DNAH11: variants seen among roughly 807,000 people sequenced by gnomAD.
The protein encoded by DNAH11 is axonemal beta dynein heavy chain 11.
Under a neutral mutation model 526.0 loss-of-function variants are expected in DNAH11, and 442 were observed. That is an observed-to-expected ratio of 0.84 (90% CI 0.78 to 0.91). The LOEUF (loss-of-function observed/expected upper bound fraction) is 0.91, where lower values mean the gene tolerates loss of function less well. DNAH11 is among the 40% of genes least tolerant of loss of function. The probability of loss-of-function intolerance (pLI) is 0.00; values close to 1 mark genes in which losing one functional copy is unlikely to be tolerated. For synonymous variants in DNAH11, 2,461 were observed against 1,935.9 expected, an observed-to-expected ratio of 1.27 and a Z score of -7.12; for missense variants, 6,989 against 5,448.7, an observed-to-expected ratio of 1.28 and a Z score of -8.90.
In DNAH11 at chr7:21,744,866, G is replaced by T; in HGVS notation, c.8317-4G>T. Reference sequence around the variant, plus strand: ...GCCATATTTTTCTCTTTCTCATCCTGCAGGGTATAGATAGTCACATGCTGC... The same window carrying T: ...GCCATATTTTTCTCTTTCTCATCCTTCAGGGTATAGATAGTCACATGCTGC... On this transcript the variant is annotated splice_polypyrimidine_tract_variant and splice_region_variant and intron_variant, in intron 50 of 81. Transcript: ENST00000409508. 6.2e-7 allele frequency: 1 copy of T among 1,604,034 alleles called. No individual in the cohort carries two copies. Among genetic ancestry groups the T allele is most frequent in the East Asian group, 2.2e-5 (1 of 44,640 alleles).
At chr7:21,649,309 C>T (rs908933878) in intron 28 of DNAH11, among the ~76,000 whole-genome samples, 1 of 152,160 alleles carries the variant, frequency 6.6e-6, no homozygotes, top group African/African-American at 2.4e-5. Context: ...AGCAGAAATA[C>T]ATAGATGGAC....
intron 14 of DNAH11, among the ~76,000 whole-genome samples, chr7:21,598,310 C>A (rs879830260): frequency 2.6e-5 from 4 of 152,160 alleles, no homozygotes; most frequent in Non-Finnish European, 5.9e-5. Flanking sequence ...CTCAGCCTCT[C>A]TAGAATCAAC....
At chr7:21,680,322 T>G (rs1783087632) in intron 30 of DNAH11, among the ~76,000 whole-genome samples, 1 of 152,232 alleles carries the variant, frequency 6.6e-6, no homozygotes, top group African/African-American at 2.4e-5. Context: ...ACTGTCCTTT[T>G]GCAGAGCTGA....
At position 21,705,534 on chromosome 7, in the gene DNAH11, T is replaced by A; in HGVS notation, c.6543T>A (p.Ser2181Arg). 6.2e-7 allele frequency: 1 copy of A among 1,613,062 alleles called. No homozygotes were observed. Among genetic ancestry groups the A allele is most frequent in the Non-Finnish European group, 8.5e-7 (1 of 1,179,400 alleles). The change falls in exon 39 of 82, where the codon AGT becomes AGA. Residue 2181 changes from serine to arginine, a missense_variant. Transcript: ENST00000409508. ...FVVGNAGTGK[S>R]KILRTLNRTY... is the part of the protein sequence containing the mutation. ...TTGGAAATGCAGGCACAGGAAAGAG[T>A]AAGGTATAGTAAATTGCCTAATAGC...
chr7:21,836,466 A>C (rs938713796), intron 65 of DNAH11, among the ~76,000 whole-genome samples: 1 of 152,276 alleles, frequency 6.6e-6, no homozygotes, highest in Admixed American at 6.5e-5. Flanking sequence ...CTGATTTTCA[A>C]CAAAGTTACC....
chr7:21,614,498 T>G (rs1216358377), intron 20 of DNAH11, among the ~76,000 whole-genome samples: 1 of 152,184 alleles, frequency 6.6e-6, no homozygotes, highest in African/African-American at 2.4e-5. Context: ...TAAGACTTGG[T>G]CATCACAAAA....
intron 57 of DNAH11, among the ~76,000 whole-genome samples, chr7:21,780,714 A>G (rs979520255): frequency 1.3e-5 from 2 of 152,200 alleles, no homozygotes; most frequent in African/African-American, 4.8e-5. Context: ...GGGACATACT[A>G]TTTTTTATGT....
At chr7:21,829,520 A>G (rs6461605) in intron 65 of DNAH11, among the ~76,000 whole-genome samples, 21,789 of 152,238 alleles carry the variant, frequency 0.14, 1,752 homozygotes, top group East Asian at 0.32. Context: ...CTGGTCTACC[A>G]CAATAGTAAG....
At chr7:21,588,347 T>C in intron 10 of DNAH11, 146 bp downstream of exon 10, 1 of 1,321,630 alleles carries the variant, frequency 7.6e-7, no homozygotes. Flanking sequence ...CTCATGGAGA[T>C]GGTAAACTTG....
intron 30 of DNAH11, among the ~76,000 whole-genome samples, chr7:21,671,525 G>A (rs1339212489): frequency 1.3e-5 from 2 of 151,986 alleles, no homozygotes; most frequent in East Asian, 1.9e-4. Flanking sequence ...TCTGGGGTTC[G>A]TAATTTATTT....
chr7:21,612,766 A>G (rs1243577369), intron 20 of DNAH11, among the ~76,000 whole-genome samples: 1 of 152,200 alleles, frequency 6.6e-6, no homozygotes, highest in Non-Finnish European at 1.5e-5. Context: ...TCTCACGTAC[A>G]TATAGATACA....
rs1200921737 is a variant in DNAH11, at chr7:21,773,936, G to A, written c.9273G>A (p.Glu3091=). 5 of 1,592,952 alleles carry A rather than the reference G, an allele frequency of 3.1e-6. No individual in the cohort carries two copies. The highest frequency in any genetic ancestry group is 1.3e-5 in the African/African-American group (1 of 74,378). The change falls in exon 56 of 82, where the codon GAG becomes GAA. Residue 3091 remains glutamate (E), a synonymous_variant. Transcript: ENST00000409508. Reference sequence around the variant, plus strand: ...ACCTGTTGAAGAAGAAGCAAAATGAGGTATCCGAGAAAAAAGAACGCCTGG... The same window carrying A: ...ACCTGTTGAAGAAGAAGCAAAATGAAGTATCCGAGAAAAAAGAACGCCTGG... ...FKNLLKKKQN[E]VSEKKERLVN...
chr7:21,617,770 C>T lies in DNAH11; in HGVS notation c.4247C>T (p.Ala1416Val). The change falls in exon 23 of 82, where the codon GCT becomes GTT. Residue 1416 changes from alanine to valine, a missense_variant. Coordinates refer to ENST00000409508, the MANE Select transcript of DNAH11 (RefSeq NM_001277115.2). ...AGGCATTGGCACCAGCTGATGAAAG[C>T]TATTGGGGTCAGTATCCTTGGTCTC... ...RDRHWHQLMK[A>V]IGVKFLINEA... 6.3e-7 allele frequency: 1 copy of T among 1,597,038 alleles called. No individual in the cohort carries two copies. Among genetic ancestry groups the T allele is most frequent in the Non-Finnish European group, 8.5e-7 (1 of 1,172,816 alleles).
chr7:21,570,872 T>C (rs189550533), intron 7 of DNAH11, among the ~76,000 whole-genome samples: 1 of 134,718 alleles, frequency 7.4e-6, no homozygotes, highest in Admixed American at 7.3e-5. Flanking sequence ...ATGGTGTCTA[T>C]TGGCTTAGTT....
intron 6 of DNAH11, among the ~76,000 whole-genome samples, chr7:21,568,278 A>G (rs1189273592): frequency 1.3e-5 from 2 of 152,142 alleles, no homozygotes; most frequent in Admixed American, 1.3e-4. Flanking sequence ...TTGTGCTGGT[A>G]CCATTGAGTG....
At chr7:21,613,638 G>C (rs912077274) in intron 20 of DNAH11, among the ~76,000 whole-genome samples, 1 of 152,164 alleles carries the variant, frequency 6.6e-6, no homozygotes, top group African/African-American at 2.4e-5. Context: ...ATAGTTAATA[G>C]CAACGTACTG....
intron 6 of DNAH11, among the ~76,000 whole-genome samples, chr7:21,566,420 G>C (rs1783668482): frequency 6.6e-6 from 1 of 152,102 alleles, no homozygotes; most frequent in Non-Finnish European, 1.5e-5. Flanking sequence ...AATGTCCATA[G>C]CTGGTTCCCT....
chr7:21,802,263 T>G (rs774606806), intron 62 of DNAH11, among the ~76,000 whole-genome samples: 1 of 152,138 alleles, frequency 6.6e-6, no homozygotes, highest in African/African-American at 2.4e-5. Context: ...GTTAGAGAAA[T>G]GCAAATTAAA....
intron 66 of DNAH11, among the ~76,000 whole-genome samples, chr7:21,850,608 CTTTTTTT>C (rs3062635): frequency 1.6e-4 from 10 of 62,692 alleles, no homozygotes; most frequent in South Asian, 6.8e-4. Context: ...CTGTCTTCTT[CTTTTTTT>C]TTTTTTTTTT....
Sources: allele counts gnomAD v4.1 joint callset (sites outside exome capture counted in the v4.1 genomes callset), GRCh38; gene constraint gnomAD v4.1.1; transcripts MANE v1.5; gene names NCBI Gene and HGNC (gene_info 2026-07-23, HGNC 2026-07-21).